The following SEC23B variants were observed in gnomAD, a reference collection of about 807,000 sequenced individuals.
The protein encoded by SEC23B is protein transport protein Sec23B.
A neutral mutation model predicts 104.3 loss-of-function variants in SEC23B; 77 were observed. The observed-to-expected ratio is 0.74, with a 90% CI of 0.61 to 0.89. The LOEUF is 0.89. Ranked by LOEUF, SEC23B falls within the 40% of genes least tolerant of loss-of-function variation. The probability of loss-of-function intolerance (pLI) is 0.00; values close to 1 mark genes in which losing one functional copy is unlikely to be tolerated. For synonymous variants in SEC23B, 338 were observed against 332.5 expected, an observed-to-expected ratio of 1.02 and a Z score of -0.18; for missense variants, 885 against 949.4, an observed-to-expected ratio of 0.93 and a Z score of 0.89.
chr20:18,550,939 A>G (rs2060381741), intron 16 of SEC23B, 150 bp from the exon 17 acceptor site: 2 of 678,912 alleles, frequency 2.9e-6, no homozygotes, highest in Admixed American at 4.3e-5. Flanking sequence ...GAAGTATGTC[A>G]GGAAGAAAAG....
chr20:18,521,068 C>T (rs926205917), intron 4 of SEC23B, among the ~76,000 whole-genome samples: 1 of 152,072 alleles, frequency 6.6e-6, no homozygotes, highest in Non-Finnish European at 1.5e-5. Flanking sequence ...CAAGCTCCTG[C>T]GGGAGGAGGT....
chr20:18,552,930 T>C (rs922664354), intron 17 of SEC23B, among the ~76,000 whole-genome samples: 1 of 152,238 alleles, frequency 6.6e-6, no homozygotes, highest in Non-Finnish European at 1.5e-5. Flanking sequence ...ACATCGGTTA[T>C]ATGAAATACT....
At chr20:18,525,648 G>A in intron 6 of SEC23B, 140 bp from the exon 7 acceptor site, 1 of 836,228 alleles carries the variant, frequency 1.2e-6, no homozygotes, top group Non-Finnish European at 2.0e-6. Context: ...TTAGTAGAGA[G>A]ATAGCTTTGA....
chr20:18,524,867 T>C (rs1334428181), intron 5 of SEC23B, 68 bp from the exon 6 acceptor site: 1 of 1,542,488 alleles, frequency 6.5e-7, no homozygotes, highest in Non-Finnish European at 8.9e-7. Flanking sequence ...TGAGGACATT[T>C]CTTAAAAATT....
At chr20:18,560,441 C>A (rs958783550) in intron 19 of SEC23B, among the ~76,000 whole-genome samples, 5 of 152,002 alleles carry the variant, frequency 3.3e-5, no homozygotes, top group Non-Finnish European at 5.9e-5. Flanking sequence ...GCGGTGGTGG[C>A]CTGATCTCGG....
At position 18,543,018 on chromosome 20, in the gene SEC23B, G is replaced by T. The variant is rs768855087; in HGVS notation, c.1512-1G>T. 2 of 1,614,208 alleles carry T rather than the reference G, an allele frequency of 1.2e-6. No individual in the cohort carries two copies. The highest frequency in any genetic ancestry group is 1.7e-6 in the Non-Finnish European group (2 of 1,180,028). On this transcript the variant is annotated splice_acceptor_variant, in intron 13 of 19. Coordinates refer to ENST00000650089, the MANE Select transcript of SEC23B (RefSeq NM_006363.6). LOFTEE classifies it high-confidence loss of function. ...CATGGCACTAACTCTGGAATTGTCA[G>T]TTGGGCAGATGTACAGAGTCAGCTC...
At position 18,510,924 on chromosome 20, in the gene SEC23B, A is replaced by C. The variant is rs940982122; in HGVS notation, c.89A>C (p.Glu30Ala). Residue 30 changes from glutamate to alanine, a missense_variant, in exon 2 of 20, where the codon GAG becomes GCG. Coordinates refer to ENST00000650089, the MANE Select transcript of SEC23B (RefSeq NM_006363.6). ...AACGTGTGGCCTTCCAGCCGGCTGG[A>C]GGCTACAAGAATGGTTGTACCCCTG... ...SWNVWPSSRL[E>A]ATRMVVPLAC... 3.7e-6 allele frequency: 6 copies of C among 1,613,976 alleles called. No individual in the cohort carries two copies. The highest frequency in any genetic ancestry group is 5.1e-6 in the Non-Finnish European group (6 of 1,180,016).
At chr20:18,517,054 A>G (rs149478800) in intron 4 of SEC23B, among the ~76,000 whole-genome samples, 2 of 152,234 alleles carry the variant, frequency 1.3e-5, no homozygotes, top group East Asian at 3.9e-4. Flanking sequence ...ATTTCCATAT[A>G]TATGTTGATA....
chr20:18,513,219 G>C (rs981622886), intron 3 of SEC23B, among the ~76,000 whole-genome samples: 2 of 148,458 alleles, frequency 1.3e-5, no homozygotes, highest in African/African-American at 5.0e-5. Context: ...ATGGTGGTGC[G>C]CACTTGTAGT....
At position 18,525,804 on chromosome 20, in the gene SEC23B, C is replaced by G; in HGVS notation, c.706C>G (p.His236Asp). The G allele has an allele frequency of 6.2e-7, 1 of 1,614,172 alleles. No individual in the cohort carries two copies. Among genetic ancestry groups the G allele is most frequent in the South Asian group, 1.1e-5 (1 of 91,084 alleles). Residue 236 changes from histidine (H) to aspartate (D), a missense_variant, in exon 7 of 20, where the codon CAC (histidine) becomes GAC (aspartate). Transcript: ENST00000650089. ...FASSRFLQPV[H>D]KIDMNLTDLL... ...ATCTTGCAGATTTCTGCAGCCTGTT[C>G]ACAAGATTGATATGAACCTCACTGA...
At chr20:18,512,193 G>T in intron 2 of SEC23B, 32 bp from the exon 3 acceptor site, 2 of 1,338,048 alleles carry the variant, frequency 1.5e-6, no homozygotes, top group South Asian at 1.3e-5. Context: ...AATAAAAGTG[G>T]TACCTACTTA....
At chr20:18,516,517 T>G (rs574595778) in intron 4 of SEC23B, among the ~76,000 whole-genome samples, 1,613 of 150,444 alleles carry the variant, frequency 0.011, 36 homozygotes, top group African/African-American at 0.038. Flanking sequence ...TTTCTTTTTT[T>G]TAAACATTTT....
intron 3 of SEC23B, 60 bp downstream of exon 3, chr20:18,512,342 A>T: frequency 8.9e-7 from 1 of 1,125,468 alleles, no homozygotes; most frequent in South Asian, 1.3e-5. Context: ...TATGAAAAAA[A>T]TTAAGTTAGG....
chr20:18,560,376 AT>A (rs2060480551), intron 19 of SEC23B, among the ~76,000 whole-genome samples: 1 of 152,158 alleles, frequency 6.6e-6, no homozygotes, highest in Non-Finnish European at 1.5e-5. Flanking sequence ...TGGGTACTTC[AT>A]CAGGACTATG....
chr20:18,526,640 G>A (rs756583963), intron 8 of SEC23B, 109 bp downstream of exon 8: 5 of 1,165,640 alleles, frequency 4.3e-6, no homozygotes, highest in African/African-American at 1.5e-5. Context: ...TCAGCAAGAC[G>A]CTGTTTCAGA....
Position 18,545,965 on chromosome 20 carries a change from T to C in SEC23B, c.1675T>C (p.Phe559Leu). The C allele has an allele frequency of 2.5e-6, 4 of 1,577,568 alleles. No individual in the cohort carries two copies. The highest frequency in any genetic ancestry group is 1.7e-4 in the Middle Eastern group (1 of 5,988). ...DRQLIRLCQK[F>L]GQYNKEDPTS... ...TATTTTCTTTCCATAGTGTCAAAAG[T>C]TTGGACAGTATAACAAAGAAGACCC... Residue 559 changes from phenylalanine to leucine, a missense_variant, in exon 15 of 20, where the codon TTT becomes CTT. Coordinates refer to ENST00000650089, the MANE Select transcript of SEC23B (RefSeq NM_006363.6).
Position 18,525,855 on chromosome 20 carries a change from C to A in SEC23B, c.757C>A (p.Pro253Thr), listed in dbSNP as rs776332647. The change falls in exon 7 of 20, where the codon CCA becomes ACA. Residue 253 changes from proline (P) to threonine (T), a missense_variant. Coordinates refer to ENST00000650089, the MANE Select transcript of SEC23B (RefSeq NM_006363.6). ...TCTTCTTGGGGAGCTACAGAGGGAC[C>A]CATGGCCAGTAACTCAGGGGAAGAG... ...TDLLGELQRD[P>T]WPVTQGKRPL... 7 of 1,613,970 alleles carry A rather than the reference C, an allele frequency of 4.3e-6. No homozygotes were observed. The highest frequency in any genetic ancestry group is 2.7e-5 in the African/African-American group (2 of 74,906).
rs121918226 is a variant in SEC23B, at chr20:18,524,980, C to T, written c.649C>T (p.Arg217Ter). The T allele has an allele frequency of 6.5e-5, 105 of 1,613,850 alleles. No individual in the cohort carries two copies. Among genetic ancestry groups the T allele is most frequent in the Non-Finnish European group, 8.1e-5 (95 of 1,179,992 alleles). ...TKPAMPMQQA[R>*]PAQPQEHPFA... ...GCCAGCCATGCCCATGCAGCAAGCA[C>T]GACCTGCACAACCACAGGAGCACCC... Residue 217 changes from arginine to a stop codon, truncating the protein, a stop_gained, in exon 6 of 20, where the codon CGA becomes TGA. Transcript: ENST00000650089. LOFTEE classifies it high-confidence loss of function.
chr20:18,518,800 C>G (rs970821298), intron 4 of SEC23B, among the ~76,000 whole-genome samples: 1 of 151,734 alleles, frequency 6.6e-6, no homozygotes, highest in African/African-American at 2.4e-5. Context: ...TTTTGGTGGC[C>G]CTTGCAGTGT....
Sources: gnomAD v4.1 joint callset for allele counts (sites outside exome capture counted in the v4.1 genomes callset) on GRCh38, gnomAD v4.1.1 for gene constraint, MANE v1.5 for transcripts, NCBI Gene and HGNC (gene_info 2026-07-23, HGNC 2026-07-21) for gene names.